Variants in DCDC1 observed in about 807,000 individuals in gnomAD.
DCDC1 encodes doublecortin domain containing 1.
A neutral mutation model predicts 178.3 loss-of-function variants in DCDC1; 200 were observed. That is an observed-to-expected ratio of 1.12 (90% CI 1.00 to 1.26). The LOEUF (loss-of-function observed/expected upper bound fraction) is 1.26. Ranked by LOEUF, DCDC1 falls within the 50% of genes most tolerant of loss-of-function variation. The pLI, the probability that DCDC1 is intolerant of heterozygous loss-of-function variation, is 0.00. For missense variants in DCDC1, 1,983 were observed against 1,749.2 expected (o/e 1.13, Z -2.38); for synonymous variants, 690 against 604.8 (o/e 1.14, Z -2.07).
intron 1 of DCDC1, among the ~76,000 whole-genome samples, chr11:31,364,685 C>T (rs904469920): frequency 7.2e-5 from 11 of 152,092 alleles, no homozygotes; most frequent in South Asian, 2.1e-4. Context: ...GAAAGTTCAT[C>T]GATGATGACT....
intron 27 of DCDC1, 73 bp downstream of exon 27, chr11:30,915,438 G>T: frequency 6.6e-7 from 1 of 1,517,418 alleles, no homozygotes; most frequent in Non-Finnish European, 9.1e-7. Flanking sequence ...ATCTTGTTCT[G>T]TGGGGACCAT....
At chr11:30,996,212 C>G (rs1232571531) in intron 20 of DCDC1, among the ~76,000 whole-genome samples, 1 of 151,968 alleles carries the variant, frequency 6.6e-6, no homozygotes, top group Non-Finnish European at 1.5e-5. Flanking sequence ...CCATAATGAA[C>G]GATCACCACA....
intron 9 of DCDC1, among the ~76,000 whole-genome samples, chr11:31,213,490 G>C (rs574848340): frequency 2.0e-5 from 3 of 152,122 alleles, no homozygotes; most frequent in Admixed American, 6.5e-5. Context: ...GGGAGGCCGA[G>C]ATGGGCGAAT....
chr11:31,356,373 G>C (rs571916984), intron 1 of DCDC1, among the ~76,000 whole-genome samples: 35 of 152,232 alleles, frequency 2.3e-4, no homozygotes, highest in African/African-American at 8.2e-4. Flanking sequence ...AAATAAAGAT[G>C]TTCTTTGAAA....
chr11:31,084,110 G>T (rs1230064428), intron 17 of DCDC1, among the ~76,000 whole-genome samples: 2 of 152,042 alleles, frequency 1.3e-5, no homozygotes, highest in East Asian at 1.9e-4. Context: ...ATACACACGA[G>T]CACTTGCTAT....
At chr11:31,097,537 A>C (rs928085142) in intron 15 of DCDC1, among the ~76,000 whole-genome samples, 1 of 152,182 alleles carries the variant, frequency 6.6e-6, no homozygotes, top group Non-Finnish European at 1.5e-5. Flanking sequence ...GTTCTCTCTT[A>C]TTGTTTCTAT....
intron 20 of DCDC1, among the ~76,000 whole-genome samples, chr11:31,056,837 C>A (rs1256919233): frequency 6.6e-6 from 1 of 152,032 alleles, no homozygotes. Flanking sequence ...TTGAAATATA[C>A]AGAACACTGC....
intron 9 of DCDC1, among the ~76,000 whole-genome samples, chr11:31,176,655 A>C (rs762805989): frequency 6.6e-6 from 1 of 152,236 alleles, no homozygotes; most frequent in Non-Finnish European, 1.5e-5. Flanking sequence ...GACAAAAGAA[A>C]AGTATCAAGT....
intron 10 of DCDC1, 150 bp downstream of exon 10, chr11:31,137,542 G>T (rs1963300024): frequency 4.4e-6 from 2 of 458,984 alleles, no homozygotes; most frequent in African/African-American, 2.0e-5. Flanking sequence ...TAGAGATGGG[G>T]TTTCACCATG....
At chr11:31,260,948 T>C (rs1944739207) in intron 8 of DCDC1, among the ~76,000 whole-genome samples, 1 of 152,194 alleles carries the variant, frequency 6.6e-6, no homozygotes. Context: ...GGTTAATAAA[T>C]ATATGCTTTG....
intron 3 of DCDC1, among the ~76,000 whole-genome samples, chr11:31,313,932 CA>C (rs1948913791): frequency 6.6e-6 from 1 of 152,160 alleles, no homozygotes; most frequent in Non-Finnish European, 1.5e-5. Flanking sequence ...ATATTTCTGA[CA>C]GATTGATCAT....
intron 3 of DCDC1, among the ~76,000 whole-genome samples, chr11:31,310,308 ATTT>A (rs11407483): frequency 7.4e-5 from 4 of 53,880 alleles, no homozygotes; most frequent in African/African-American, 1.7e-4. Flanking sequence ...GTAATTCTTG[ATTT>A]TTTTTTTTTT....
chr11:30,970,052 A>G (rs2134671097), intron 20 of DCDC1, among the ~76,000 whole-genome samples: 1 of 152,358 alleles, frequency 6.6e-6, no homozygotes, highest in Admixed American at 6.5e-5. Flanking sequence ...AAGGAGGGAA[A>G]TGAGGCAGCC....
At chr11:31,349,268 G>A (rs1411872221) in intron 1 of DCDC1, among the ~76,000 whole-genome samples, 2 of 152,106 alleles carry the variant, frequency 1.3e-5, no homozygotes, top group Non-Finnish European at 2.9e-5. Context: ...GTCATCTATT[G>A]TTATGATGAA....
At chr11:31,207,901 C>A (rs1004641370) in intron 9 of DCDC1, among the ~76,000 whole-genome samples, 9 of 152,130 alleles carry the variant, frequency 5.9e-5, no homozygotes, top group African/African-American at 2.4e-5. Context: ...ATTGTCTTCC[C>A]ACTTTAATCA....
chr11:31,099,854 G>C (rs1422774567), intron 15 of DCDC1, among the ~76,000 whole-genome samples: 1 of 152,010 alleles, frequency 6.6e-6, no homozygotes, highest in African/African-American at 2.4e-5. Context: ...AAGTAGCTGG[G>C]ACCACAGGCA....
chr11:31,303,058 C>T (rs1455586280), intron 6 of DCDC1, among the ~76,000 whole-genome samples: 1 of 152,136 alleles, frequency 6.6e-6, no homozygotes, highest in Non-Finnish European at 1.5e-5. Flanking sequence ...ACTTCTATCC[C>T]TATGCTGGGG....
intron 15 of DCDC1, among the ~76,000 whole-genome samples, chr11:31,101,252 T>C (rs1312736350): frequency 1.3e-5 from 2 of 152,182 alleles, no homozygotes; most frequent in African/African-American, 2.4e-5. Flanking sequence ...AATTAAAGCT[T>C]ACACTGCTAA....
intron 17 of DCDC1, among the ~76,000 whole-genome samples, chr11:31,079,477 A>G (rs192430840): frequency 2.0e-5 from 3 of 152,284 alleles, no homozygotes; most frequent in African/African-American, 7.2e-5. Flanking sequence ...ATCAAACCCA[A>G]CGAGGGGGTC....
Sources: gnomAD v4.1 joint callset for allele counts (sites outside exome capture counted in the v4.1 genomes callset) on GRCh38, gnomAD v4.1.1 for gene constraint, MANE v1.5 for transcripts, NCBI Gene and HGNC (gene_info 2026-07-23, HGNC 2026-07-21) for gene names.